Variants in PID1 observed in about 807,000 individuals in gnomAD.
PID1 encodes PTB-containing, cubilin and LRP1-interacting protein.
In PID1, 10 loss-of-function variants were observed where a neutral mutation model predicts 19.1. The observed-to-expected ratio is 0.52, with a 90% CI of 0.32 to 0.89. The LOEUF is 0.89. Among genes scored for constraint, PID1 ranks in the 40% least tolerant of loss-of-function variants. The pLI is 0.03. For missense variants in PID1, 248 were observed against 285.3 expected (o/e 0.87, Z 0.94); for synonymous variants, 130 against 116.0 (o/e 1.12, Z -0.78).
intron 2 of PID1, among the ~76,000 whole-genome samples, chr2:229,113,561 GTTGT>G (rs1440545599): frequency 2.9e-5 from 4 of 136,950 alleles, no homozygotes; most frequent in African/African-American, 5.3e-5. Flanking sequence ...TTAAGGCCTA[GTTGT>G]TTGTGTATGT....
At chr2:229,226,443 T>G (rs1048856930) in intron 1 of PID1, among the ~76,000 whole-genome samples, 2 of 152,222 alleles carry the variant, frequency 1.3e-5, no homozygotes, top group African/African-American at 4.8e-5. Flanking sequence ...GAAGATAAAT[T>G]GACTTGTTGA....
intron 1 of PID1, among the ~76,000 whole-genome samples, chr2:229,170,617 G>A (rs1171316670): frequency 1.3e-5 from 2 of 152,010 alleles, no homozygotes; most frequent in Non-Finnish European, 2.9e-5. Flanking sequence ...CTCTCTTCTT[G>A]ATAATTTTTA....
At chr2:229,074,361 C>T (rs1694516932) in intron 2 of PID1, among the ~76,000 whole-genome samples, 1 of 151,442 alleles carries the variant, frequency 6.6e-6, no homozygotes. Flanking sequence ...GCAGCCGCAA[C>T]AATAAGATAG....
chr2:229,064,620 T>C (rs1311671382), intron 2 of PID1, among the ~76,000 whole-genome samples: 4 of 152,088 alleles, frequency 2.6e-5, no homozygotes, highest in Admixed American at 2.6e-4. Flanking sequence ...GATAAAAAAA[T>C]TGCCATATTC....
intron 2 of PID1, among the ~76,000 whole-genome samples, chr2:229,154,392 TGAAA>T (rs1422653500): frequency 6.6e-6 from 1 of 152,104 alleles, no homozygotes; most frequent in East Asian, 1.9e-4. Context: ...TTCTTTCGCC[TGAAA>T]GATTCTCCTG....
intron 1 of PID1, among the ~76,000 whole-genome samples, chr2:229,235,612 T>G (rs995633589): frequency 6.6e-6 from 1 of 152,232 alleles, no homozygotes; most frequent in African/African-American, 2.4e-5. Flanking sequence ...ACTGGAACGC[T>G]GGCACCAACA....
intron 1 of PID1, among the ~76,000 whole-genome samples, chr2:229,263,358 C>T (rs1574768482): frequency 6.6e-6 from 1 of 152,282 alleles, no homozygotes; most frequent in Non-Finnish European, 1.5e-5. Flanking sequence ...CTAGACATCA[C>T]ATCTATGCTC....
intron 2 of PID1, among the ~76,000 whole-genome samples, chr2:229,035,380 G>A (rs953894073): frequency 2.6e-5 from 4 of 151,912 alleles, no homozygotes; most frequent in East Asian, 1.9e-4. Flanking sequence ...GTTGGGACTC[G>A]CCAGCCCCTA....
At chr2:229,182,237 A>T (rs1412544561) in intron 1 of PID1, among the ~76,000 whole-genome samples, 3 of 151,428 alleles carry the variant, frequency 2.0e-5, no homozygotes, top group Admixed American at 2.0e-4. Flanking sequence ...GTGCAGGTTC[A>T]TGAAACATAA....
At chr2:229,060,030 G>A (rs13387718) in intron 2 of PID1, among the ~76,000 whole-genome samples, 9,218 of 151,974 alleles carry the variant, frequency 0.061, 959 homozygotes, top group African/African-American at 0.21. Flanking sequence ...ATATATTTAT[G>A]GGGTGCACAA....
chr2:229,071,688 T>C (rs1694457573), intron 2 of PID1, among the ~76,000 whole-genome samples: 1 of 152,212 alleles, frequency 6.6e-6, no homozygotes, highest in Non-Finnish European at 1.5e-5. Flanking sequence ...ACCTTTGAAA[T>C]AATATAGTTA....
At chr2:229,042,960 A>C (rs745889919) in intron 2 of PID1, among the ~76,000 whole-genome samples, 6 of 151,344 alleles carry the variant, frequency 4.0e-5, no homozygotes, top group Non-Finnish European at 8.8e-5. Flanking sequence ...TTTGAGAGAG[A>C]GAGAGAAAGG....
intron 1 of PID1, among the ~76,000 whole-genome samples, chr2:229,189,056 TGAG>T (rs1413283744): frequency 2.0e-5 from 3 of 152,188 alleles, no homozygotes; most frequent in Non-Finnish European, 2.9e-5. Context: ...CCTTAAATCA[TGAG>T]AAGAACTCGT....
At chr2:229,262,998 A>G in intron 1 of PID1, 1 of 1,128,850 alleles carries the variant, frequency 8.9e-7, no homozygotes, top group Non-Finnish European at 1.2e-6. Context: ...ATAAAGCTAC[A>G]TTCACAGGTA....
chr2:229,147,880 C>A (rs1690168167), intron 2 of PID1, among the ~76,000 whole-genome samples: 1 of 152,184 alleles, frequency 6.6e-6, no homozygotes, highest in Non-Finnish European at 1.5e-5. Context: ...CGATTTACAG[C>A]TATAGCCCTC....
At chr2:229,153,793 T>G (rs1439286930) in intron 2 of PID1, among the ~76,000 whole-genome samples, 2 of 152,220 alleles carry the variant, frequency 1.3e-5, no homozygotes, top group Admixed American at 6.5e-5. Flanking sequence ...CTAGGTATTT[T>G]TATTTTAAAA....
chr2:229,213,768 T>C (rs191634831), intron 1 of PID1, among the ~76,000 whole-genome samples: 103 of 152,324 alleles, frequency 6.8e-4, no homozygotes, highest in Admixed American at 2.5e-3. Context: ...ATAATTTCTG[T>C]CAATGAGAAA....
rs1694092496 is a variant in PID1, at chr2:229,056,015, C to G, written c.178-29907G>C. ...ACAGAAACCTCACATTCAATTAACC[C>G]TTCATTAACCAGAAAAGGCAAGTCA... is the stretch of plus-strand genomic sequence containing the variant. On this transcript the variant is annotated intron_variant, in intron 2 of 2. Transcript: ENST00000392055. 3.3e-5 allele frequency among the ~76,000 whole-genome samples: 5 copies of G among 152,276 alleles called. No homozygotes were observed. In the South Asian group the frequency reaches 1.0e-3, roughly 32 times the overall value.
intron 1 of PID1, among the ~76,000 whole-genome samples, chr2:229,202,839 T>C (rs16825852): frequency 0.11 from 16,170 of 152,080 alleles, 1,144 homozygotes; most frequent in East Asian, 0.41. Context: ...TCTCCAGAGC[T>C]CAGAATAACA....
Sources: allele counts gnomAD v4.1 joint callset (sites outside exome capture counted in the v4.1 genomes callset), GRCh38; gene constraint gnomAD v4.1.1; transcripts MANE v1.5; gene names NCBI Gene and HGNC (gene_info 2026-07-23, HGNC 2026-07-21).